THSD7B: variants seen among roughly 807,000 people sequenced by gnomAD.
The protein encoded by THSD7B is thrombospondin type-1 domain-containing protein 7B.
A neutral mutation model predicts 213.6 loss-of-function variants in THSD7B; 138 were observed. That is an observed-to-expected ratio of 0.65 (90% CI 0.56 to 0.74). The LOEUF (loss-of-function observed/expected upper bound fraction) is 0.74. Among genes scored for constraint, THSD7B ranks in the 30% least tolerant of loss-of-function variants. The pLI, the probability that THSD7B is intolerant of heterozygous loss-of-function variation, is 0.00. For missense variants in THSD7B, 1,931 were observed against 1,991.5 expected (o/e 0.97, Z 0.58); for synonymous variants, 742 against 687.0 (o/e 1.08, Z -1.25).
intron 15 of THSD7B, among the ~76,000 whole-genome samples, chr2:137,467,384 A>G (rs564267983): frequency 2.0e-5 from 3 of 152,230 alleles, no homozygotes; most frequent in Admixed American, 2.0e-4. Flanking sequence ...CATCTGACAG[A>G]TGTTGTTTCA....
intron 2 of THSD7B, among the ~76,000 whole-genome samples, chr2:136,890,414 T>C (rs1258572562): frequency 1.9e-3 from 3 of 1,612 alleles, no homozygotes; most frequent in Admixed American, 0.016. Flanking sequence ...TTCCTCTTCT[T>C]CTTCTTCTTC....
At chr2:137,000,000 A>G (rs1340519900) in intron 2 of THSD7B, among the ~76,000 whole-genome samples, 2 of 152,158 alleles carry the variant, frequency 1.3e-5, no homozygotes, top group Non-Finnish European at 2.9e-5. Context: ...AGACAGTTCT[A>G]CCTTAAGACA....
At chr2:136,886,157 G>C (rs113427542) in intron 2 of THSD7B, among the ~76,000 whole-genome samples, 1 of 152,108 alleles carries the variant, frequency 6.6e-6, no homozygotes, top group Non-Finnish European at 1.5e-5. Context: ...CAGGTGAGAC[G>C]GGTAACGGGG....
intron 2 of THSD7B, among the ~76,000 whole-genome samples, chr2:136,954,547 T>C (rs1685091778): frequency 2.0e-5 from 3 of 151,892 alleles, no homozygotes; most frequent in African/African-American, 7.3e-5. Context: ...AAACCCCGTC[T>C]CTACTAAAAA....
intron 5 of THSD7B, among the ~76,000 whole-genome samples, chr2:137,121,034 T>C (rs1688537142): frequency 1.3e-5 from 2 of 152,216 alleles, no homozygotes; most frequent in African/African-American, 4.8e-5. Context: ...CTACTGGTTC[T>C]GTTTGATTGC....
chr2:137,296,418 A>G (rs924314798), intron 12 of THSD7B, among the ~76,000 whole-genome samples: 3 of 152,156 alleles, frequency 2.0e-5, no homozygotes, highest in African/African-American at 7.2e-5. Flanking sequence ...GGAATCCTAC[A>G]TCTAAGGGGC....
intron 17 of THSD7B, among the ~76,000 whole-genome samples, chr2:137,613,839 A>G (rs1682331493): frequency 2.0e-5 from 3 of 152,134 alleles, no homozygotes; most frequent in African/African-American, 4.8e-5. Flanking sequence ...TCTCTTGTGG[A>G]TAATTCATTA....
At chr2:136,779,203 T>A (rs1295951923) in intron 1 of THSD7B, among the ~76,000 whole-genome samples, 12 of 85,052 alleles carry the variant, frequency 1.4e-4, no homozygotes, top group African/African-American at 4.3e-4. Context: ...TATATATGTG[T>A]GTGTGTGTGT....
chr2:137,158,984 T>C (rs1160615967), intron 5 of THSD7B, among the ~76,000 whole-genome samples: 3 of 152,194 alleles, frequency 2.0e-5, no homozygotes, highest in Non-Finnish European at 1.5e-5. Flanking sequence ...GTTTAGGGTC[T>C]CTCTGTGCAA....
At chr2:137,282,449 T>G (rs990594543) in intron 12 of THSD7B, among the ~76,000 whole-genome samples, 8 of 152,222 alleles carry the variant, frequency 5.3e-5, no homozygotes, top group African/African-American at 1.7e-4. Context: ...TTGCCATTGC[T>G]TTTGGTGTTT....
intron 26 of THSD7B, among the ~76,000 whole-genome samples, chr2:137,667,413 G>T (rs1262015350): frequency 6.6e-6 from 1 of 152,106 alleles, no homozygotes; most frequent in African/African-American, 2.4e-5. Context: ...TAATGTTTTT[G>T]AGAGTTAATT....
chr2:136,894,376 G>A (rs751289458), intron 2 of THSD7B, among the ~76,000 whole-genome samples: 1 of 152,148 alleles, frequency 6.6e-6, no homozygotes, highest in South Asian at 2.1e-4. Context: ...CTACATACAA[G>A]GCAGGTTGGT....
At chr2:137,545,734 A>C (rs1328116406) in intron 15 of THSD7B, among the ~76,000 whole-genome samples, 4 of 151,900 alleles carry the variant, frequency 2.6e-5, no homozygotes, top group African/African-American at 9.7e-5. Flanking sequence ...AGTTCAGTCA[A>C]CATACATTTA....
intron 1 of THSD7B, among the ~76,000 whole-genome samples, chr2:136,781,137 C>T (rs1681734479): frequency 6.6e-6 from 1 of 152,076 alleles, no homozygotes; most frequent in Non-Finnish European, 1.5e-5. Context: ...ATTTAATATA[C>T]ATTATCAAAA....
intron 15 of THSD7B, among the ~76,000 whole-genome samples, chr2:137,528,384 G>A (rs1430007457): frequency 2.0e-5 from 3 of 152,086 alleles, no homozygotes; most frequent in African/African-American, 7.2e-5. Flanking sequence ...GTTAAGTACA[G>A]ATAGTAATGA....
chr2:137,557,776 G>A (rs1449076550), intron 15 of THSD7B, among the ~76,000 whole-genome samples: 2 of 152,174 alleles, frequency 1.3e-5, no homozygotes, highest in African/African-American at 2.4e-5. Context: ...GAATCCAGGA[G>A]CTGGTTTTTT....
At chr2:137,077,685 T>C (rs1330697804) in intron 3 of THSD7B, among the ~76,000 whole-genome samples, 1 of 151,754 alleles carries the variant, frequency 6.6e-6, no homozygotes, top group Non-Finnish European at 1.5e-5. Context: ...TGTTTTTTTC[T>C]TGTAAATTTG....
In THSD7B at chr2:137,669,029, A is replaced by G. The variant is rs191131525; in HGVS notation, c.4739+1168A>G. 5.1e-3 allele frequency among the ~76,000 whole-genome samples: 773 copies of G among 152,280 alleles called. 6 individuals carry two copies. The highest frequency in any genetic ancestry group is 7.9e-3 in the Non-Finnish European group (539 of 68,022). On this transcript the variant is annotated intron_variant, in intron 27 of 27. Transcript: ENST00000409968. ...TCAACTGTAGATTTTAATGTTTTCA[A>G]GTGTGCTAAGAATATTATATCAGCT...
At chr2:137,636,711 A>C (rs2104857010) in intron 20 of THSD7B, among the ~76,000 whole-genome samples, 1 of 152,314 alleles carries the variant, frequency 6.6e-6, no homozygotes, top group South Asian at 2.1e-4. Context: ...TTTTACAGAA[A>C]ATTTATGCTC....
Sources: gnomAD v4.1 joint callset for allele counts (sites outside exome capture counted in the v4.1 genomes callset) on GRCh38, gnomAD v4.1.1 for gene constraint, MANE v1.5 for transcripts, NCBI Gene and HGNC (gene_info 2026-07-23, HGNC 2026-07-21) for gene names.